Variants in PCDHGA6 observed in about 807,000 individuals in gnomAD.
PCDHGA6 encodes the protein protocadherin gamma subfamily A, 6.
A neutral mutation model predicts 60.6 loss-of-function variants in PCDHGA6; 41 were observed. The observed-to-expected ratio is 0.68, with a 90% CI of 0.53 to 0.88. The LOEUF (loss-of-function observed/expected upper bound fraction) is 0.88. Among genes scored for constraint, PCDHGA6 ranks in the 40% least tolerant of loss-of-function variants. The pLI is 0.00. For missense variants in PCDHGA6, 1,312 were observed against 1,203.0 expected (o/e 1.09, Z -1.34); for synonymous variants, 594 against 524.4 (o/e 1.13, Z -1.81).
At chr5:141,496,662 T>A (rs557106775) in intron 2 of PCDHGA6, among the ~76,000 whole-genome samples, 1 of 152,344 alleles carries the variant, frequency 6.6e-6, no homozygotes, top group African/African-American at 2.4e-5. Flanking sequence ...TGACCCCAGC[T>A]GTTGTCCTTC....
chr5:141,456,984 C>G (rs374156327), intron 1 of PCDHGA6, among the ~76,000 whole-genome samples: 1 of 152,200 alleles, frequency 6.6e-6, no homozygotes, highest in East Asian at 1.9e-4. Flanking sequence ...AACAAACAAA[C>G]AAACAAAAAC....
Position 141,375,778 on chromosome 5 carries a change from C to G in PCDHGA6, c.1695C>G (p.Pro565=). Reference sequence around the variant, plus strand: ...ACAATGCGCCCGAGATCCTGTACCCCGCCCTCCCCACAGACGGTTCCACTG... The same window carrying G: ...ACAATGCGCCCGAGATCCTGTACCCGGCCCTCCCCACAGACGGTTCCACTG... ...QNDNAPEILY[P]ALPTDGSTGV... is the part of the protein sequence containing the mutation. The change falls in exon 1 of 4, where the codon CCC becomes CCG. Residue 565 remains proline (P), a synonymous_variant. Coordinates refer to ENST00000517434, the MANE Select transcript of PCDHGA6 (RefSeq NM_018919.3). The G allele has an allele frequency of 1.9e-6, 3 of 1,614,242 alleles. No homozygotes were observed. The African/African-American group carries it at 4.0e-5, about 22-fold the overall frequency.
intron 1 of PCDHGA6, chr5:141,394,129 C>T: frequency 3.7e-6 from 6 of 1,613,968 alleles, no homozygotes; most frequent in Non-Finnish European, 5.1e-6. Context: ...ACTCAAATCG[C>T]TCTGCACGTG....
At chr5:141,509,669 G>GAGAA (rs2099877764) in intron 3 of PCDHGA6, among the ~76,000 whole-genome samples, 1 of 152,180 alleles carries the variant, frequency 6.6e-6, no homozygotes, top group African/African-American at 2.4e-5. Flanking sequence ...CTGGGCCCCA[G>GAGAA]TTTCTTCTTC....
chr5:141,450,119 G>A (rs765403319), intron 1 of PCDHGA6, among the ~76,000 whole-genome samples: 2 of 148,920 alleles, frequency 1.3e-5, no homozygotes, highest in Non-Finnish European at 3.0e-5. Context: ...TGATTCTCCT[G>A]CCTTAGCCTC....
At chr5:141,389,863 T>C in intron 1 of PCDHGA6, 1 of 1,614,064 alleles carries the variant, frequency 6.2e-7, no homozygotes, top group South Asian at 1.1e-5. Flanking sequence ...ACGTTGCACC[T>C]GGTCTTCGCC....
In PCDHGA6 at chr5:141,511,173, A is replaced by T. The variant is rs1384881403; in HGVS notation, c.2799A>T (p.Ter933TyrextTer31). ...AGTCGGGCAAGAAGGAGAAGAAGTA[A>T]CATGGAGGCCAGGCCAAGAGCCACA... ...KKKSGKKEKK[*>Y] Residue 933 changes from the stop codon to tyrosine, a stop_lost, in exon 4 of 4, where the codon TAA (stop) becomes TAT (tyrosine). Coordinates refer to ENST00000517434, the MANE Select transcript of PCDHGA6 (RefSeq NM_018919.3). 6.2e-7 allele frequency: 1 copy of T among 1,614,132 alleles called. No homozygotes were observed.
chr5:141,389,157 C>T lies in PCDHGA6; in HGVS notation c.2424+12650C>T, dbSNP rs192156139. The T allele has an allele frequency of 2.5e-6, 4 of 1,613,976 alleles. No homozygotes were observed. The East Asian group carries it at 6.7e-5, about 27-fold the overall frequency. ...CAATATAACCGTTACGGCAACAGAT[C>T]GGGGCAAGCCTCCCCTCTCCTCCAG... is the stretch of plus-strand genomic sequence containing the variant. On this transcript the variant is annotated intron_variant, in intron 1 of 3. Coordinates refer to ENST00000517434, the MANE Select transcript of PCDHGA6 (RefSeq NM_018919.3).
At chr5:141,413,001 G>C in intron 1 of PCDHGA6, 1 of 592,908 alleles carries the variant, frequency 1.7e-6, no homozygotes, top group Non-Finnish European at 2.8e-6. Flanking sequence ...CGGATTCTCA[G>C]GGCTTCAACT....
chr5:141,456,814 ATTAGCCATCGTGG>A (rs2098889077), intron 1 of PCDHGA6, among the ~76,000 whole-genome samples: 1 of 151,928 alleles, frequency 6.6e-6, no homozygotes, highest in Non-Finnish European at 1.5e-5. Context: ...AATACAAAAA[ATTAGCCATCGTGG>A]TAGTGGGCGC....
chr5:141,394,451 G>A (rs774912185), intron 1 of PCDHGA6: 1 of 1,614,118 alleles, frequency 6.2e-7, no homozygotes, highest in Non-Finnish European at 8.5e-7. Flanking sequence ...GCAGCAACAT[G>A]TCACTGAGCC....
At chr5:141,410,705 A>G (rs1462423983) in intron 1 of PCDHGA6, 1 of 1,460,780 alleles carries the variant, frequency 6.8e-7, no homozygotes, top group Non-Finnish European at 9.1e-7. Context: ...TTTCATATCT[A>G]GAATCATATG....
chr5:141,423,612 TGAAGAC>T, intron 1 of PCDHGA6: 1 of 1,611,004 alleles, frequency 6.2e-7, no homozygotes, highest in African/African-American at 1.3e-5. Flanking sequence ...TCTTGATAGC[TGAAGAC>T]TCAGCTATCA....
rs375915850 is a variant in PCDHGA6, at chr5:141,397,975, G to A, written c.2424+21468G>A. The A allele has an allele frequency of 2.3e-4, 272 of 1,189,006 alleles. 1 individual carries two copies. Among genetic ancestry groups the A allele is most frequent in the African/African-American group, 9.9e-4 (64 of 64,918 alleles). 73.7% of individuals were successfully genotyped at this position (1,189,006 alleles called of 1,614,324 possible). ...GCCCCAGCTCAGACTCCCCAGCGCC[G>A]GCCTTTACACCGCTTCCTCCTCGGA... On this transcript the variant is annotated intron_variant, in intron 1 of 3. Transcript: ENST00000517434.
chr5:141,432,070 T>C lies in PCDHGA6; in HGVS notation c.2424+55563T>C. 6.2e-7 allele frequency: 1 copy of C among 1,614,136 alleles called. No homozygotes were observed. The highest frequency in any genetic ancestry group is 2.2e-5 in the East Asian group (1 of 44,860). ...CCCCGCCCCTATCCACGGAAACTCATATCTCGCTGAACGTGGCAGACACCA... is the reference window on the plus strand; with the variant it reads ...CCCCGCCCCTATCCACGGAAACTCACATCTCGCTGAACGTGGCAGACACCA... On this transcript the variant is annotated intron_variant, in intron 1 of 3. Transcript: ENST00000517434. The surrounding 1 kb of genome is among the most constrained non-coding windows in gnomAD (Gnocchi z 6.0).
intron 1 of PCDHGA6, among the ~76,000 whole-genome samples, chr5:141,407,512 T>C (rs910710605): frequency 6.6e-6 from 1 of 152,192 alleles, no homozygotes; most frequent in East Asian, 1.9e-4. Context: ...TCTTAGGCTA[T>C]GTAGGACTTA....
intron 1 of PCDHGA6, among the ~76,000 whole-genome samples, chr5:141,464,155 C>T (rs2099076990): frequency 1.3e-5 from 2 of 151,614 alleles, no homozygotes; most frequent in African/African-American, 4.8e-5. Flanking sequence ...GTCCCAGCTA[C>T]TTGGAAGGCT....
chr5:141,454,228 T>C (rs6896225), intron 1 of PCDHGA6, among the ~76,000 whole-genome samples: 1,935 of 152,208 alleles, frequency 0.013, 54 homozygotes, highest in African/African-American at 0.044. Flanking sequence ...AAAGTAATTG[T>C]GATGAAAAGG....
chr5:141,415,849 C>A (rs1453652151), intron 1 of PCDHGA6: 2 of 1,230,672 alleles, frequency 1.6e-6, no homozygotes, highest in Non-Finnish European at 2.1e-6. Flanking sequence ...CTTTGCAGAA[C>A]CTTGTAGTTT....
Sources: allele counts gnomAD v4.1 joint callset (sites outside exome capture counted in the v4.1 genomes callset), GRCh38; gene constraint gnomAD v4.1.1; non-coding constraint Gnocchi (gnomAD v3.1); transcripts MANE v1.5; gene names NCBI Gene and HGNC (gene_info 2026-07-23, HGNC 2026-07-21).